The following AFAP1 variants were observed in gnomAD, a reference collection of about 807,000 sequenced individuals.
AFAP1 encodes the protein actin filament-associated protein 1.
A neutral mutation model predicts 93.9 loss-of-function variants in AFAP1; 75 were observed. That is an observed-to-expected ratio of 0.80 (90% CI 0.66 to 0.97). The LOEUF (loss-of-function observed/expected upper bound fraction) is 0.97, where lower values mean the gene tolerates loss of function less well. Ranked by LOEUF, AFAP1 falls within the 50% of genes least tolerant of loss-of-function variation. AFAP1 has a pLI of 0.00. For synonymous variants in AFAP1, 517 were observed against 430.7 expected (o/e 1.20, Z -2.48); for missense variants, 1,201 against 1,050.8 (o/e 1.14, Z -1.98).
chr4:7,893,955 G>A (rs557995319), intron 1 of AFAP1, among the ~76,000 whole-genome samples: 4 of 152,284 alleles, frequency 2.6e-5, no homozygotes, highest in South Asian at 4.1e-4. Flanking sequence ...CAGCCTCAGC[G>A]AGCCCTGGAG....
Position 7,774,955 on chromosome 4 carries a change from A to C in AFAP1, c.1898-52T>G, listed in dbSNP as rs372866722. Reference sequence around the variant, plus strand: ...AAAAATTAGGTTTACTAGCCTGGGAAATATGGGACGATCCCTTCTCCACAA... The same window carrying C: ...AAAAATTAGGTTTACTAGCCTGGGACATATGGGACGATCCCTTCTCCACAA... On this transcript the variant is annotated intron_variant, in intron 14 of 17. Transcript: ENST00000420658. 231 of 1,585,786 alleles carry C rather than the reference A, an allele frequency of 1.5e-4. 1 individual carries two copies. The African/African-American group carries it at 2.8e-3, about 19-fold the overall frequency.
intron 9 of AFAP1, 192 bp downstream of exon 9, chr4:7,809,422 G>A (rs185774526): frequency 1.0e-4 from 56 of 558,082 alleles, no homozygotes; most frequent in Non-Finnish European, 1.1e-4. Flanking sequence ...TAAAAGGCCT[G>A]CAAAGTCTTG....
rs1721559111 is a variant in AFAP1, at chr4:7,939,041, T to TC, written c.-3+614dup. ...CGCACGGACCCCCATTACACTCGCG[T>TC]CCCAGGCGGGGTCGACCCAGACGAG... On this transcript the variant is annotated intron_variant, in intron 1 of 17. Transcript: ENST00000420658. This position sits in a 1 kb window ranked among gnomAD's most constrained non-coding sequence, Gnocchi z 5.6. The TC allele has an allele frequency of 1.3e-5, 2 of 153,750 alleles. No homozygotes were observed. The highest frequency in any genetic ancestry group is 4.9e-5 in the African/African-American group (2 of 41,068). The allele number at this position is 153,750 out of a possible 1,614,324, so 9.5% of individuals were successfully genotyped here. A position where few individuals can be genotyped will look rare whatever the true frequency, so the allele number is the denominator to read the frequency against.
At chr4:7,796,479 G>T (rs1461963847) in intron 10 of AFAP1, among the ~76,000 whole-genome samples, 1 of 152,186 alleles carries the variant, frequency 6.6e-6, no homozygotes, top group African/African-American at 2.4e-5. Context: ...GCCAGGCGCA[G>T]TGGCTCACGC....
At chr4:7,802,795 G>A (rs190712910) in intron 9 of AFAP1, among the ~76,000 whole-genome samples, 11 of 151,996 alleles carry the variant, frequency 7.2e-5, no homozygotes, top group African/African-American at 1.9e-4. Context: ...GACTACAGGC[G>A]CCCGCCACCA....
At chr4:7,804,797 G>A (rs1030073427) in intron 9 of AFAP1, among the ~76,000 whole-genome samples, 3 of 152,184 alleles carry the variant, frequency 2.0e-5, no homozygotes, top group African/African-American at 7.2e-5. Context: ...TTATCCCAAT[G>A]TAACTGTTCA....
In AFAP1 at chr4:7,759,590, T is replaced by G. The variant is rs924495830; in HGVS notation, c.*4175A>C. ...CCAGGAAAAAATGAATTATCCTCCTTCAAACTATGTCATGAACTTGAAGTG... is the reference window on the plus strand; with the variant it reads ...CCAGGAAAAAATGAATTATCCTCCTGCAAACTATGTCATGAACTTGAAGTG... On this transcript the variant is annotated 3_prime_UTR_variant, in exon 18 of 18. Transcript: ENST00000420658. 2 of 152,820 alleles carry G rather than the reference T, an allele frequency of 1.3e-5. No individual in the cohort carries two copies. The highest frequency in any genetic ancestry group is 2.4e-5 in the African/African-American group (1 of 41,586). The allele number at this position is 152,820 out of a possible 1,614,324, so 9.5% of individuals were successfully genotyped here.
chr4:7,834,761 G>C (rs1201830763), intron 6 of AFAP1, among the ~76,000 whole-genome samples: 1 of 152,232 alleles, frequency 6.6e-6, no homozygotes, highest in Non-Finnish European at 1.5e-5. Flanking sequence ...TGCCAAAGAG[G>C]GGGTCCCTGG....
At chr4:7,805,249 T>C (rs1719401824) in intron 9 of AFAP1, among the ~76,000 whole-genome samples, 1 of 151,756 alleles carries the variant, frequency 6.6e-6, no homozygotes, top group Admixed American at 6.6e-5. Flanking sequence ...GAGACGTATC[T>C]AGCTTTCCTG....
In AFAP1 at chr4:7,786,329, C is replaced by T. The variant is rs773360953; in HGVS notation, c.1413-18G>A. On this transcript the variant is annotated intron_variant, in intron 11 of 17. Coordinates refer to ENST00000420658, the MANE Select transcript of AFAP1 (RefSeq NM_001134647.2). ...TCATGAAACTGAAAGAAAGGAAATGCGTTAAAATCCATAACCTGACCACCT... is the reference window on the plus strand; with the variant it reads ...TCATGAAACTGAAAGAAAGGAAATGTGTTAAAATCCATAACCTGACCACCT... 20 of 1,596,674 alleles carry T rather than the reference C, an allele frequency of 1.3e-5. No homozygotes were observed. The highest frequency in any genetic ancestry group is 6.7e-5 in the African/African-American group (5 of 74,666).
At chr4:7,868,537 C>G (rs1002516941) in intron 3 of AFAP1, 85 bp downstream of exon 3, 1 of 1,179,556 alleles carries the variant, frequency 8.5e-7, no homozygotes, top group Non-Finnish European at 1.2e-6. Flanking sequence ...TCTTCCACAC[C>G]GGGCTTCCAT....
intron 6 of AFAP1, among the ~76,000 whole-genome samples, chr4:7,827,230 C>A (rs1721502197): frequency 1.3e-5 from 2 of 151,850 alleles, no homozygotes; most frequent in African/African-American, 4.8e-5. Flanking sequence ...TATCCACAAT[C>A]TACGGGAAGT....
intron 1 of AFAP1, among the ~76,000 whole-genome samples, chr4:7,896,104 G>A (rs978825691): frequency 2.6e-5 from 4 of 151,862 alleles, no homozygotes; most frequent in African/African-American, 9.7e-5. Flanking sequence ...CAGGTGATCC[G>A]CCCGCCTCGG....
chr4:7,793,950 G>A (rs895665096), intron 10 of AFAP1, 124 bp from the exon 11 acceptor site: 43 of 1,127,464 alleles, frequency 3.8e-5, no homozygotes, highest in Admixed American at 1.8e-4. Context: ...AAGAAGAAAC[G>A]AAAAGGAAGA....
At chr4:7,767,027 A>G (rs774867622) in intron 17 of AFAP1, among the ~76,000 whole-genome samples, 12 of 152,172 alleles carry the variant, frequency 7.9e-5, no homozygotes, top group Admixed American at 6.5e-5. Context: ...TTTACGATAC[A>G]CAAGTGCATT....
chr4:7,839,074 C>T (rs989537625), intron 5 of AFAP1, among the ~76,000 whole-genome samples: 2 of 152,184 alleles, frequency 1.3e-5, no homozygotes, highest in African/African-American at 2.4e-5. Flanking sequence ...ATGGCTCACG[C>T]CTGTAATCCC....
intron 1 of AFAP1, among the ~76,000 whole-genome samples, chr4:7,899,359 A>G (rs540349852): frequency 6.6e-6 from 1 of 152,310 alleles, no homozygotes; most frequent in African/African-American, 2.4e-5. Flanking sequence ...ATGCCATTCA[A>G]GAAACAGTGG....
At chr4:7,783,718 A>C (rs1271386757) in intron 12 of AFAP1, among the ~76,000 whole-genome samples, 3 of 152,246 alleles carry the variant, frequency 2.0e-5, no homozygotes, top group Admixed American at 6.5e-5. Context: ...AGAGTGTCAT[A>C]AAAGTCTGAA....
intron 10 of AFAP1, among the ~76,000 whole-genome samples, chr4:7,794,620 C>G (rs1311556280): frequency 1.3e-5 from 2 of 152,122 alleles, no homozygotes; most frequent in African/African-American, 4.8e-5. Context: ...CTCCTAGGCT[C>G]AAGCAATCCT....
Sources: gnomAD v4.1 joint callset for allele counts (sites outside exome capture counted in the v4.1 genomes callset) on GRCh38, gnomAD v4.1.1 for gene constraint, Gnocchi (gnomAD v3.1) non-coding constraint, MANE v1.5 for transcripts, NCBI Gene and HGNC (gene_info 2026-07-23, HGNC 2026-07-21) for gene names.